Variants in TPD52L1 observed in about 807,000 individuals in gnomAD.
TPD52L1 encodes the protein TPD52 like 1.
TPD52L1 carries 18 observed loss-of-function variants against 28.7 expected under a neutral mutation model. The observed-to-expected ratio is 0.63, with a 90% confidence interval of 0.43 to 0.93. The LOEUF (loss-of-function observed/expected upper bound fraction) is 0.93, where lower values mean the gene tolerates loss of function less well. Ranked by LOEUF, TPD52L1 falls within the 40% of genes least tolerant of loss-of-function variation. The probability of loss-of-function intolerance (pLI) is 0.00; values close to 1 mark genes in which losing one functional copy is unlikely to be tolerated. For synonymous variants in TPD52L1, 75 were observed against 88.8 expected (o/e 0.84, Z 0.88); for missense variants, 203 against 254.8 (o/e 0.80, Z 1.39).
chr6:125,173,180 A>T (rs1791607866), intron 1 of TPD52L1, among the ~76,000 whole-genome samples: 1 of 152,180 alleles, frequency 6.6e-6, no homozygotes, highest in Non-Finnish European at 1.5e-5. Flanking sequence ...TGTTCACAGA[A>T]GGAATCCAAG....
intron 1 of TPD52L1, among the ~76,000 whole-genome samples, chr6:125,188,238 G>A (rs923229089): frequency 1.3e-5 from 2 of 152,070 alleles, no homozygotes; most frequent in South Asian, 2.1e-4. Context: ...AGATATCCAC[G>A]TCATCAGCTT....
intron 1 of TPD52L1, among the ~76,000 whole-genome samples, chr6:125,160,697 C>G (rs886741602): frequency 6.6e-6 from 1 of 152,206 alleles, no homozygotes; most frequent in African/African-American, 2.4e-5. Flanking sequence ...CTGACATCTT[C>G]TTCCAGTGTA....
At chr6:125,172,561 A>ATATATATAATATATATATATATAATAT (rs1562215221) in intron 1 of TPD52L1, among the ~76,000 whole-genome samples, 1 of 90,494 alleles carries the variant, frequency 1.1e-5, no homozygotes, top group African/African-American at 4.9e-5. Flanking sequence ...TAATATATAT[A>ATATATATAATATATATATATATAATAT]CTATATGGCA....
Position 125,245,956 on chromosome 6 carries a change from A to G in TPD52L1, c.285-2326A>G, listed in dbSNP as rs548384740. On this transcript the variant is annotated intron_variant, in intron 3 of 6. Coordinates refer to ENST00000534000, the MANE Select transcript of TPD52L1 (RefSeq NM_003287.4). ...TCCACTCACCCCCCAGATTCTGCTT[A>G]AGAAAGTTCACGCCCAGTGGCAATT... Among the ~76,000 whole-genome samples, 97 of 152,344 alleles carry G rather than the reference A, an allele frequency of 6.4e-4. 1 individual carries two copies. In the Middle Eastern group the frequency reaches 0.01, roughly 16 times the overall value.
intron 3 of TPD52L1, chr6:125,234,546 T>A (rs1019795875): frequency 6.6e-6 from 1 of 152,202 alleles, no homozygotes; most frequent in Admixed American, 6.5e-5. Flanking sequence ...AACATATTGT[T>A]CCTCTGCTCT....
chr6:125,156,589 G>T (rs1366939167), intron 1 of TPD52L1, among the ~76,000 whole-genome samples: 1 of 151,960 alleles, frequency 6.6e-6, no homozygotes, highest in Non-Finnish European at 1.5e-5. Flanking sequence ...GGGCAACATG[G>T]TGAAACGCTG....
chr6:125,164,068 T>C (rs1790718680), intron 1 of TPD52L1, among the ~76,000 whole-genome samples: 1 of 152,242 alleles, frequency 6.6e-6, no homozygotes, highest in Admixed American at 6.5e-5. Flanking sequence ...GTGTTGGAGT[T>C]GGGATTTGAA....
intron 1 of TPD52L1, among the ~76,000 whole-genome samples, chr6:125,169,891 C>T (rs948763079): frequency 1.3e-5 from 2 of 152,184 alleles, no homozygotes; most frequent in African/African-American, 2.4e-5. Flanking sequence ...CCTTCTTCCT[C>T]TTTTATTTCC....
chr6:125,262,106 A>T (rs1314892688), intron 6 of TPD52L1: 1 of 152,256 alleles, frequency 6.6e-6, no homozygotes, highest in Non-Finnish European at 1.5e-5. Flanking sequence ...AGATCTTGTG[A>T]GAACTCACTC....
chr6:125,206,239 T>A (rs1794126208), intron 1 of TPD52L1, among the ~76,000 whole-genome samples: 1 of 152,226 alleles, frequency 6.6e-6, no homozygotes, highest in South Asian at 2.1e-4. Flanking sequence ...GGACGATGTC[T>A]GAAATATTTT....
intron 1 of TPD52L1, among the ~76,000 whole-genome samples, chr6:125,155,995 C>A (rs2114721417): frequency 6.6e-6 from 1 of 152,220 alleles, no homozygotes; most frequent in Non-Finnish European, 1.5e-5. Flanking sequence ...TGTGAGGGAC[C>A]CATTCTCACT....
At chr6:125,242,357 C>T (rs1796663999) in intron 3 of TPD52L1, among the ~76,000 whole-genome samples, 1 of 152,022 alleles carries the variant, frequency 6.6e-6, no homozygotes, top group African/African-American at 2.4e-5. Flanking sequence ...GATTTTCCAT[C>T]TTGATGACAT....
At chr6:125,185,320 A>G (rs1792527727) in intron 1 of TPD52L1, among the ~76,000 whole-genome samples, 1 of 152,204 alleles carries the variant, frequency 6.6e-6, no homozygotes. Context: ...AGAATTTTAT[A>G]TAGAATTTCA....
chr6:125,260,941 AAAGAAAG>A (rs1797907273), intron 6 of TPD52L1: 1 of 38,656 alleles, frequency 2.6e-5, no homozygotes, highest in Non-Finnish European at 4.0e-5. Flanking sequence ...AGAAAGAAAG[AAAGAAAG>A]AAAGAAAGAA....
intron 1 of TPD52L1, among the ~76,000 whole-genome samples, chr6:125,216,605 T>C (rs1794910703): frequency 7.0e-6 from 1 of 142,566 alleles, no homozygotes; most frequent in South Asian, 2.2e-4. Flanking sequence ...TCAGAAGAAA[T>C]ACCAGAAAGG....
At chr6:125,250,574 A>T (rs1797205044) in intron 4 of TPD52L1, among the ~76,000 whole-genome samples, 1 of 152,218 alleles carries the variant, frequency 6.6e-6, no homozygotes, top group Admixed American at 6.5e-5. Context: ...ACATGGTAGA[A>T]ATTAGGGAGA....
At chr6:125,170,895 A>G (rs543230849) in intron 1 of TPD52L1, among the ~76,000 whole-genome samples, 2 of 151,966 alleles carry the variant, frequency 1.3e-5, no homozygotes, top group South Asian at 4.2e-4. Context: ...ATGTTCTGGT[A>G]TCTGAGACTC....
rs73771286 is a variant in TPD52L1 at position 125,229,098 on chromosome 6, A to G, written c.136-20A>G. The G allele has an allele frequency of 1.9e-3, 3,111 of 1,606,830 alleles. 58 individuals are homozygous for G. The African/African-American group carries it at 0.036, about 18-fold the overall frequency. ...TGCTGGTCTGACATTTTCCCCCACCATTTCCCCTCCGCCTTGTAGCTAGAA... is the reference window on the plus strand; with the variant it reads ...TGCTGGTCTGACATTTTCCCCCACCGTTTCCCCTCCGCCTTGTAGCTAGAA... On this transcript the variant is annotated intron_variant, in intron 2 of 6. Transcript: ENST00000534000.
chr6:125,172,537 TA>T (rs575910482), intron 1 of TPD52L1, among the ~76,000 whole-genome samples: 3 of 88,878 alleles, frequency 3.4e-5, no homozygotes, highest in Non-Finnish European at 6.2e-5. Context: ...TATATATATA[TA>T]TATATATATA....
Sources: allele counts gnomAD v4.1 joint callset (sites outside exome capture counted in the v4.1 genomes callset), GRCh38; gene constraint gnomAD v4.1.1; transcripts MANE v1.5; gene names NCBI Gene and HGNC (gene_info 2026-07-23, HGNC 2026-07-21).